The following ANO1 variants were observed in gnomAD, a reference collection of about 807,000 sequenced individuals.
The protein encoded by ANO1 is anoctamin-1.
ANO1 carries 59 observed loss-of-function variants against 124.0 expected under a neutral mutation model. That is an observed-to-expected ratio of 0.48 (90% CI 0.39 to 0.59). The LOEUF is 0.59. ANO1 is among the 20% of genes least tolerant of loss of function. ANO1 has a pLI of 0.00. For missense variants in ANO1, 1,059 were observed against 1,328.0 expected (o/e 0.80, Z 3.15); for synonymous variants, 529 against 532.0 (o/e 0.99, Z 0.08).
At chr11:70,135,549 C>T (rs1202347870) in intron 11 of ANO1, among the ~76,000 whole-genome samples, 1 of 152,212 alleles carries the variant, frequency 6.6e-6, no homozygotes, top group Non-Finnish European at 1.5e-5. Context: ...CTGAGAACCC[C>T]TGGCTGGTGT....
chr11:70,021,169 T>A (rs1356319064), intron 1 of ANO1: 7 of 152,120 alleles, frequency 4.6e-5, no homozygotes, highest in African/African-American at 1.7e-4. Context: ...CCTGTCCCCA[T>A]GGAATTATCT....
At chr11:70,009,719 C>A (rs1335004665) in intron 1 of ANO1, among the ~76,000 whole-genome samples, 1 of 151,988 alleles carries the variant, frequency 6.6e-6, no homozygotes, top group Non-Finnish European at 1.5e-5. Context: ...AGGGGATGAG[C>A]CTGTGCAGAT....
chr11:70,177,114 CG>C (rs2048733327), intron 22 of ANO1, among the ~76,000 whole-genome samples: 1 of 152,226 alleles, frequency 6.6e-6, no homozygotes, highest in African/African-American at 2.4e-5. Context: ...CTCTCTGGGC[CG>C]GTTGGGCGAT....
chr11:70,062,368 C>T (rs72947378), intron 1 of ANO1, among the ~76,000 whole-genome samples: 23,027 of 152,114 alleles, frequency 0.15, 1,800 homozygotes, highest in East Asian at 0.23. Context: ...TGAGCCACCA[C>T]GCCCGGCCGA....
intron 1 of ANO1, among the ~76,000 whole-genome samples, chr11:70,049,864 G>T (rs1318173085): frequency 1.3e-5 from 2 of 152,126 alleles, no homozygotes; most frequent in African/African-American, 4.8e-5. Flanking sequence ...AGGATTTCAG[G>T]TGCCCACCAC....
At chr11:70,143,172 C>A (rs560159706) in intron 11 of ANO1, among the ~76,000 whole-genome samples, 2 of 152,130 alleles carry the variant, frequency 1.3e-5, no homozygotes, top group Admixed American at 1.3e-4. Flanking sequence ...TTGGAAGACG[C>A]GACCCCTGCC....
At chr11:70,110,184 C>CTTTTT (rs923690897) in intron 6 of ANO1, among the ~76,000 whole-genome samples, 5 of 118,054 alleles carry the variant, frequency 4.2e-5, no homozygotes, top group Non-Finnish European at 6.8e-5. Flanking sequence ...TGTTCACTTT[C>CTTTTT]TTTTTTTTTT....
chr11:70,179,966 G>A, intron 22 of ANO1, 38 bp from the exon 23 acceptor site: 5 of 1,586,466 alleles, frequency 3.2e-6, no homozygotes, highest in Non-Finnish European at 4.3e-6. Context: ...GACTGAGAGT[G>A]TAGGGCTCTT....
chr11:70,096,695 T>C (rs1016376281), intron 2 of ANO1, among the ~76,000 whole-genome samples: 1 of 152,130 alleles, frequency 6.6e-6, no homozygotes, highest in African/African-American at 2.4e-5. Flanking sequence ...ACCCCGTCTC[T>C]ACTAAAAATA....
At chr11:70,077,218 A>C (rs1333806021), upstream of ANO1, among the ~76,000 whole-genome samples, 1 of 152,230 alleles carries the variant, frequency 6.6e-6, no homozygotes, top group Admixed American at 6.5e-5. Flanking sequence ...CCTGGTAGAC[A>C]ACCCACTGTA....
chr11:70,026,772 C>T (rs1555003274), intron 1 of ANO1, among the ~76,000 whole-genome samples: 2 of 152,168 alleles, frequency 1.3e-5, no homozygotes, highest in East Asian at 1.9e-4. Context: ...GGATCCTGCA[C>T]CTCCCCAGCT....
intron 1 of ANO1, among the ~76,000 whole-genome samples, chr11:70,046,698 C>A (rs1555005685): frequency 6.6e-6 from 1 of 151,930 alleles, no homozygotes; most frequent in Non-Finnish European, 1.5e-5. Context: ...CACAGGGGCT[C>A]TTGGAGGGGC....
At chr11:70,091,488 G>C (rs974798224) in intron 2 of ANO1, among the ~76,000 whole-genome samples, 6 of 152,166 alleles carry the variant, frequency 3.9e-5, no homozygotes, top group African/African-American at 1.4e-4. Context: ...AAGCAAACCA[G>C]AAATGTCCCC....
chr11:70,173,400 T>C (rs748091706), intron 22 of ANO1, among the ~76,000 whole-genome samples: 4 of 152,182 alleles, frequency 2.6e-5, no homozygotes, highest in Non-Finnish European at 5.9e-5. Context: ...ACAGACACTC[T>C]ATACTAAACT....
chr11:70,014,759 C>T (rs1856669955), intron 1 of ANO1: 1 of 152,124 alleles, frequency 6.6e-6, no homozygotes, highest in South Asian at 2.1e-4. Flanking sequence ...GATGCTCCCA[C>T]AGCCCTGCAA....
At chr11:70,047,453 G>A (rs972618714) in intron 1 of ANO1, among the ~76,000 whole-genome samples, 1 of 152,132 alleles carries the variant, frequency 6.6e-6, no homozygotes, top group Non-Finnish European at 1.5e-5. Flanking sequence ...TAACATGAGA[G>A]GCCAAAGCTC....
At chr11:70,042,326 G>T (rs937700980) in intron 1 of ANO1, among the ~76,000 whole-genome samples, 16 of 152,182 alleles carry the variant, frequency 1.1e-4, no homozygotes, top group Admixed American at 4.6e-4. Context: ...CCTTCCTAGA[G>T]GTAGTTTTCA....
intron 11 of ANO1, among the ~76,000 whole-genome samples, chr11:70,136,283 G>T (rs1478726409): frequency 1.3e-5 from 2 of 152,180 alleles, no homozygotes; most frequent in Non-Finnish European, 2.9e-5. Flanking sequence ...GGTCCCCTGT[G>T]GTTCTCAAAC....
intron 1 of ANO1, among the ~76,000 whole-genome samples, chr11:70,025,450 A>AGAT (rs201565744): frequency 2.0e-5 from 3 of 147,478 alleles, no homozygotes; most frequent in African/African-American, 5.0e-5. Context: ...ATGACAGTGA[A>AGAT]GATGATGATG....
Sources: allele counts gnomAD v4.1 joint callset (sites outside exome capture counted in the v4.1 genomes callset), GRCh38; gene constraint gnomAD v4.1.1; transcripts MANE v1.5; gene names NCBI Gene and HGNC (gene_info 2026-07-23, HGNC 2026-07-21).